Variants in SNX29 observed in about 807,000 individuals in gnomAD.
The protein encoded by SNX29 is sorting nexin 29, also known as sorting nexin-29.
In SNX29, 78 loss-of-function variants were observed where a neutral mutation model predicts 102.1. That is an observed-to-expected ratio of 0.76 (90% CI 0.64 to 0.92). The LOEUF is 0.92. SNX29 is among the 40% of genes least tolerant of loss of function. The pLI is 0.00. For missense variants in SNX29, 1,280 were observed against 1,061.7 expected (o/e 1.21, Z -2.86); for synonymous variants, 580 against 414.5 (o/e 1.40, Z -4.85).
At chr16:12,563,786 A>C (rs1353218823) in intron 20 of SNX29, among the ~76,000 whole-genome samples, 2 of 149,670 alleles carry the variant, frequency 1.3e-5, no homozygotes, top group African/African-American at 4.9e-5. Context: ...GACCTGTCTG[A>C]AGACTGCAAC....
intron 16 of SNX29, among the ~76,000 whole-genome samples, chr16:12,395,988 T>C (rs1238398606): frequency 6.6e-6 from 1 of 152,162 alleles, no homozygotes; most frequent in Admixed American, 6.5e-5. Flanking sequence ...GTTAGAAAGT[T>C]CCCAAATTCT....
chr16:12,432,498 G>A (rs1434175548), intron 18 of SNX29, among the ~76,000 whole-genome samples: 1 of 152,180 alleles, frequency 6.6e-6, no homozygotes, highest in Non-Finnish European at 1.5e-5. Context: ...GCCTGGGCTG[G>A]TGGCAGGAGG....
chr16:12,478,657 C>A (rs1466894858), intron 19 of SNX29, among the ~76,000 whole-genome samples: 1 of 152,184 alleles, frequency 6.6e-6, no homozygotes, highest in African/African-American at 2.4e-5. Flanking sequence ...GTCAAATGGT[C>A]AGCTTCAGCC....
At chr16:12,507,230 T>C (rs1418721646) in intron 19 of SNX29, among the ~76,000 whole-genome samples, 1 of 152,240 alleles carries the variant, frequency 6.6e-6, no homozygotes, top group Non-Finnish European at 1.5e-5. Flanking sequence ...GCCTGGGTCC[T>C]TTCCCATCAC....
At chr16:12,066,118 G>A (rs2051025520) in intron 9 of SNX29, among the ~76,000 whole-genome samples, 1 of 152,038 alleles carries the variant, frequency 6.6e-6, no homozygotes, top group African/African-American at 2.4e-5. Context: ...TTGAAGGCTG[G>A]GTGGGTCCAT....
chr16:12,208,143 G>A (rs1373022268), intron 14 of SNX29, among the ~76,000 whole-genome samples: 1 of 152,172 alleles, frequency 6.6e-6, no homozygotes, highest in African/African-American at 2.4e-5. Flanking sequence ...CTTTCTGCCC[G>A]AAGTGACCAC....
At chr16:12,346,780 C>T (rs1199758186) in intron 15 of SNX29, among the ~76,000 whole-genome samples, 2 of 152,186 alleles carry the variant, frequency 1.3e-5, no homozygotes, top group Non-Finnish European at 2.9e-5. Context: ...TCTGTGGATT[C>T]TGCCTTGGCT....
chr16:12,318,014 C>T (rs73506193), intron 15 of SNX29, among the ~76,000 whole-genome samples: 4,425 of 152,320 alleles, frequency 0.029, 212 homozygotes, highest in African/African-American at 0.1. Flanking sequence ...GTTGTCATCA[C>T]GCCACCGATG....
intron 19 of SNX29, among the ~76,000 whole-genome samples, chr16:12,521,983 A>G (rs1464334991): frequency 3.9e-5 from 6 of 152,026 alleles, no homozygotes; most frequent in Admixed American, 3.9e-4. Context: ...CCTCTGGAGG[A>G]AGGTCCCCCA....
intron 1 of SNX29, among the ~76,000 whole-genome samples, chr16:11,985,099 C>CA (rs1239696129): frequency 6.0e-4 from 90 of 149,676 alleles, no homozygotes; most frequent in Admixed American, 2.3e-3. Context: ...ACTTTTGATT[C>CA]CTTTTTTTTT....
intron 13 of SNX29, among the ~76,000 whole-genome samples, chr16:12,191,924 C>G (rs556249870): frequency 7.2e-5 from 11 of 152,298 alleles, no homozygotes; most frequent in African/African-American, 2.6e-4. Context: ...GATGCCTACT[C>G]AGTACCTGCT....
intron 16 of SNX29, among the ~76,000 whole-genome samples, chr16:12,362,030 G>A (rs146059720): frequency 5.6e-5 from 8 of 143,808 alleles, no homozygotes; most frequent in Non-Finnish European, 7.6e-5. Context: ...ATAACGAGTA[G>A]CCTGCTGAAT....
intron 20 of SNX29, among the ~76,000 whole-genome samples, chr16:12,551,520 T>A (rs2077976473): frequency 6.6e-6 from 1 of 152,162 alleles, no homozygotes; most frequent in Admixed American, 6.5e-5. Context: ...TCAGGATCTT[T>A]TTAAAGTTCC....
rs1424034537 is a variant in SNX29 at position 12,572,023 on chromosome 16, A to G, written c.*3394A>G. 4 of 1,062,676 alleles carry G rather than the reference A, an allele frequency of 3.8e-6. No individual in the cohort carries two copies. The highest frequency in any genetic ancestry group is 4.6e-6 in the Non-Finnish European group (4 of 877,716). 65.8% of individuals were successfully genotyped at this position (1,062,676 alleles called of 1,614,324 possible). A position where few individuals can be genotyped will look rare whatever the true frequency, so the allele number is the denominator to read the frequency against. ...TGCATCTAGGGAGCTGCTGGCTATA[A>G]AAGGGATCATCCAGTGGAGTTGTAA... is the stretch of plus-strand genomic sequence containing the variant. On this transcript the variant is annotated 3_prime_UTR_variant, in exon 21 of 21. Coordinates refer to ENST00000566228, the MANE Select transcript of SNX29 (RefSeq NM_032167.5).
At chr16:12,492,152 T>C (rs533037625) in intron 19 of SNX29, among the ~76,000 whole-genome samples, 1 of 152,236 alleles carries the variant, frequency 6.6e-6, no homozygotes, top group African/African-American at 2.4e-5. Flanking sequence ...ACCAACAGTG[T>C]AAAAGTGTTC....
intron 15 of SNX29, among the ~76,000 whole-genome samples, chr16:12,307,494 T>C (rs1327361874): frequency 2.0e-5 from 3 of 152,238 alleles, no homozygotes; most frequent in Non-Finnish European, 4.4e-5. Context: ...GATGCTTTCA[T>C]GCAGGGCTGG....
intron 20 of SNX29, among the ~76,000 whole-genome samples, chr16:12,562,451 TG>T (rs755029676): frequency 9.2e-5 from 14 of 152,202 alleles, no homozygotes; most frequent in Non-Finnish European, 1.9e-4. Flanking sequence ...AGTTTGACTT[TG>T]ATCCCCCTTC....
At chr16:12,238,863 G>T (rs1431660442) in intron 14 of SNX29, among the ~76,000 whole-genome samples, 2 of 152,174 alleles carry the variant, frequency 1.3e-5, no homozygotes, top group African/African-American at 4.8e-5. Flanking sequence ...TTATCTTTCT[G>T]CTCTACCATC....
intron 14 of SNX29, among the ~76,000 whole-genome samples, chr16:12,246,272 T>C (rs1325794084): frequency 2.0e-5 from 3 of 152,008 alleles, no homozygotes; most frequent in Non-Finnish European, 4.4e-5. Context: ...TTCTCCTCCT[T>C]TCTGGGTGGG....
Sources: gnomAD v4.1 joint callset for allele counts (sites outside exome capture counted in the v4.1 genomes callset) on GRCh38, gnomAD v4.1.1 for gene constraint, MANE v1.5 for transcripts, NCBI Gene and HGNC (gene_info 2026-07-23, HGNC 2026-07-21) for gene names.